The following JUP variants were observed in gnomAD, a reference collection of about 807,000 sequenced individuals.
JUP encodes the protein catenin (cadherin-associated protein), gamma 80kDa.
JUP carries 28 observed loss-of-function variants against 71.1 expected under a neutral mutation model. The ratio of observed to expected loss-of-function variants is 0.39; its 90% confidence interval spans 0.29 to 0.54. The LOEUF (loss-of-function observed/expected upper bound fraction) is 0.54. JUP is among the 20% of genes least tolerant of loss of function. The pLI is 0.62. For synonymous variants in JUP, 401 were observed against 438.9 expected, an observed-to-expected ratio of 0.91 and a Z score of 1.08; for missense variants, 869 against 1,030.1, an observed-to-expected ratio of 0.84 and a Z score of 2.14.
At chr17:41,772,850 G>C (rs1435057808) in intron 1 of JUP, 2 of 985,448 alleles carry the variant, frequency 2.0e-6, no homozygotes, top group Non-Finnish European at 2.4e-6. Context: ...GCCGAACTTT[G>C]TACCAGGGAG....
intron 5 of JUP, among the ~76,000 whole-genome samples, chr17:41,765,508 C>T (rs782570298): frequency 1.3e-5 from 2 of 152,100 alleles, no homozygotes; most frequent in African/African-American, 2.4e-5. Context: ...TGTGCCATCA[C>T]GCCCGGCTAA....
chr17:41,757,533 G>A lies in JUP; in HGVS notation c.1928C>T (p.Thr643Ile). 6.2e-7 allele frequency: 1 copy of A among 1,614,228 alleles called. No homozygotes were observed. The highest frequency in any genetic ancestry group is 8.5e-7 in the Non-Finnish European group (1 of 1,180,048). The change falls in exon 12 of 14, where the codon ACC becomes ATC. Residue 643 changes from threonine (T) to isoleucine (I), a missense_variant. Physicochemically the swap from Thr to Ile is moderately conservative, Grantham distance 89 (BLOSUM62 -1). Coordinates refer to ENST00000393931, the MANE Select transcript of JUP (RefSeq NM_002230.4). ...GCGGAACAGGACGGCAGCAGCGTAG[G>A]TGGCTGAGCAGAGAGGAAAGGAAAA... ...LLHSRNEGTA[T>I]YAAAVLFRIS... is the part of the protein sequence containing the mutation.
intron 7 of JUP, 139 bp from the exon 8 acceptor site, chr17:41,763,460 C>A: frequency 1.6e-6 from 1 of 639,020 alleles, no homozygotes; most frequent in Admixed American, 2.4e-5. Context: ...TCCCTATGAC[C>A]CGCCACACCC....
chr17:41,776,675 C>G (rs1184464958), intron 1 of JUP, among the ~76,000 whole-genome samples: 1 of 152,128 alleles, frequency 6.6e-6, no homozygotes, highest in African/African-American at 2.4e-5. Flanking sequence ...TCATGCCACT[C>G]CAGCCTAGGC....
intron 1 of JUP, among the ~76,000 whole-genome samples, chr17:41,774,212 C>G (rs1421701807): frequency 6.8e-6 from 1 of 146,686 alleles, no homozygotes; most frequent in East Asian, 2.2e-4. Flanking sequence ...CAGGGAGAGA[C>G]AGAAGCCACA....
chr17:41,779,026 G>A (rs1462116596), intron 1 of JUP, among the ~76,000 whole-genome samples: 4 of 151,860 alleles, frequency 2.6e-5, no homozygotes, highest in Admixed American at 2.0e-4. Flanking sequence ...CACAAGGTCT[G>A]GAGTTTGAAA....
At chr17:41,755,927 G>T in intron 13 of JUP, 32 bp from the exon 14 acceptor site, 1 of 1,590,858 alleles carries the variant, frequency 6.3e-7, no homozygotes. Context: ...CGGTCCTAGG[G>T]TCTGCAAGCT....
At chr17:41,785,740 A>G (rs1555611593) in intron 1 of JUP, among the ~76,000 whole-genome samples, 2 of 152,084 alleles carry the variant, frequency 1.3e-5, no homozygotes, top group African/African-American at 4.8e-5. Context: ...CTGTTCCCCT[A>G]CCAACACTCT....
intron 1 of JUP, among the ~76,000 whole-genome samples, chr17:41,778,877 C>G (rs2047017409): frequency 6.6e-6 from 1 of 151,506 alleles, no homozygotes; most frequent in South Asian, 2.1e-4. Flanking sequence ...TGCCACTGCA[C>G]TCCAGCCTGG....
chr17:41,756,815 G>T (rs1913883079), intron 12 of JUP, among the ~76,000 whole-genome samples: 1 of 151,582 alleles, frequency 6.6e-6, no homozygotes, highest in Non-Finnish European at 1.5e-5. Context: ...CAGGAGAATT[G>T]CTTGAAACCG....
rs781976753 is a variant in JUP, at chr17:41,769,143, G to A, written c.533C>T (p.Ala178Val). The change falls in exon 4 of 14, where the codon GCC becomes GTC. Residue 178 changes from alanine to valine, a missense_variant. Ala to Val is a moderately conservative substitution (Grantham distance 64). Coordinates refer to ENST00000393931, the MANE Select transcript of JUP (RefSeq NM_002230.4). The stretch of plus-strand genomic sequence containing the variant: ...CACCAGCTGGGGCGAGCCCATCAGG[G>A]CCCGCCGCGACGCCTCCTTCTTCGA... ...QLSKKEASRR[A>V]LMGSPQLVAA... 6.6e-5 allele frequency: 106 copies of A among 1,607,706 alleles called. No individual in the cohort carries two copies. The highest frequency in any genetic ancestry group is 8.4e-5 in the Non-Finnish European group (99 of 1,179,906).
Position 41,771,702 on chromosome 17 carries a change from G to A in JUP, c.153C>T (p.Arg51=), listed in dbSNP as rs1002288225. 6 of 1,614,016 alleles carry A rather than the reference G, an allele frequency of 3.7e-6. No individual in the cohort carries two copies. In the African/African-American group the frequency reaches 6.7e-5, roughly 18 times the overall value. ...GIMEEDEACG[R]QYTLKKTTTY... ...TGGTGGTTTTCTTGAGCGTGTACTGGCGCCCGCAGGCCTCATCCTCCTCCA... is the reference window on the plus strand; with the variant it reads ...TGGTGGTTTTCTTGAGCGTGTACTGACGCCCGCAGGCCTCATCCTCCTCCA... The change falls in exon 2 of 14, where the codon CGC becomes CGT. Residue 51 remains arginine, a synonymous_variant. Coordinates refer to ENST00000393931, the MANE Select transcript of JUP (RefSeq NM_002230.4).
chr17:41,783,461 T>C (rs1295257244), intron 1 of JUP, among the ~76,000 whole-genome samples: 1 of 151,888 alleles, frequency 6.6e-6, no homozygotes, highest in Non-Finnish European at 1.5e-5. Context: ...CTAATTTTTC[T>C]ATTTTTTTGT....
rs1916164057 is a variant in JUP at position 41,769,107 on chromosome 17, A to G, written c.569T>C (p.Val190Ala). 1.2e-6 allele frequency: 2 copies of G among 1,612,250 alleles called. No individual in the cohort carries two copies. Among genetic ancestry groups the G allele is most frequent in the African/African-American group, 1.3e-5 (1 of 75,048 alleles). The change falls in exon 4 of 14, where the codon GTG becomes GCG. Residue 190 changes from valine to alanine, a missense_variant. Physicochemically the swap from Val to Ala is moderately conservative, Grantham distance 64. Coordinates refer to ENST00000393931, the MANE Select transcript of JUP (RefSeq NM_002230.4). ...MGSPQLVAAVVRTMQNTSDLD... is the reference protein window; with the variant it reads ...MGSPQLVAAVARTMQNTSDLD... ...GTCGCTGGTATTCTGCATGGTACGCACGACAGCGGCCACCAGCTGGGGCGA... is the reference window on the plus strand; with the variant it reads ...GTCGCTGGTATTCTGCATGGTACGCGCGACAGCGGCCACCAGCTGGGGCGA...
At chr17:41,773,693 G>A (rs1466667980) in intron 1 of JUP, among the ~76,000 whole-genome samples, 1 of 151,948 alleles carries the variant, frequency 6.6e-6, no homozygotes, top group South Asian at 2.1e-4. Context: ...GGTGGGGGGC[G>A]GGGGGCGGGG....
intron 1 of JUP, chr17:41,784,960 C>T (rs1251801996): frequency 6.6e-6 from 1 of 151,348 alleles, no homozygotes; most frequent in East Asian, 1.9e-4. Context: ...GATCAAGATC[C>T]CCAATTCTGG....
In JUP at chr17:41,769,126, G is replaced by T; in HGVS notation, c.550C>A (p.Gln184Lys). 1 of 1,610,414 alleles carries T rather than the reference G, an allele frequency of 6.2e-7. No homozygotes were observed. Among genetic ancestry groups the T allele is most frequent in the Non-Finnish European group, 8.5e-7 (1 of 1,179,860 alleles). The part of the protein sequence containing the change: ...ASRRALMGSP[Q>K]LVAAVVRTMQ... Reference sequence around the variant, plus strand: ...GTACGCACGACAGCGGCCACCAGCTGGGGCGAGCCCATCAGGGCCCGCCGC... The same window carrying T: ...GTACGCACGACAGCGGCCACCAGCTTGGGCGAGCCCATCAGGGCCCGCCGC... The change falls in exon 4 of 14, where the codon CAG becomes AAG. Residue 184 changes from glutamine (Q) to lysine (K), a missense_variant. Physicochemically the swap from Gln to Lys is moderately conservative, Grantham distance 53. Coordinates refer to ENST00000393931, the MANE Select transcript of JUP (RefSeq NM_002230.4).
rs781953833 is a variant in JUP, at chr17:41,769,638, T to C, written c.248A>G (p.Lys83Arg). 9 of 1,607,208 alleles carry C rather than the reference T, an allele frequency of 5.6e-6. No homozygotes were observed. The Admixed American group carries it at 1.5e-4, about 27-fold the overall frequency. ...EYQMSTTARA[K>R]RVREAMCPGV... Reference sequence around the variant, plus strand: ...AGGGCACATGGCCTCCCGCACCCGTTTGGCCCTGGCTGTTGTGGACATCTG... The same window carrying C: ...AGGGCACATGGCCTCCCGCACCCGTCTGGCCCTGGCTGTTGTGGACATCTG... Residue 83 changes from lysine (K) to arginine (R), a missense_variant, in exon 3 of 14, where the codon AAA (lysine) becomes AGA (arginine). Transcript: ENST00000393931.
In JUP at chr17:41,772,368, A is replaced by G. The variant is rs563644054; in HGVS notation, c.-8-506T>C. The G allele has an allele frequency of 2.0e-5, 5 of 246,602 alleles. No individual in the cohort carries two copies. The South Asian group carries it at 2.7e-4, about 13-fold the overall frequency. The allele number at this position is 246,602 out of a possible 1,614,324, so 15.3% of individuals were successfully genotyped here. On this transcript the variant is annotated intron_variant, in intron 1 of 13. Transcript: ENST00000393931. ...GGGCGGGGCAGGGAAGCGGTCTGAC[A>G]GGTTTCTCTGGAGCGCCCCAGGCTC... is the stretch of plus-strand genomic sequence containing the variant.
Sources: gnomAD v4.1 joint callset for allele counts (sites outside exome capture counted in the v4.1 genomes callset) on GRCh38, gnomAD v4.1.1 for gene constraint, MANE v1.5 for transcripts, NCBI Gene and HGNC (gene_info 2026-07-23, HGNC 2026-07-21) for gene names.